Variants in EXTL3 observed in about 807,000 individuals in gnomAD.
EXTL3 encodes exostosin-like 3.
Under a neutral mutation model 69.3 loss-of-function variants are expected in EXTL3, and 27 were observed. That is an observed-to-expected ratio of 0.39 (90% CI 0.29 to 0.54). The LOEUF (loss-of-function observed/expected upper bound fraction) is 0.54. Among genes scored for constraint, EXTL3 ranks in the 20% least tolerant of loss-of-function variants. EXTL3 has a pLI of 0.69. For synonymous variants in EXTL3, 511 were observed against 499.4 expected (o/e 1.02, Z -0.31); for missense variants, 1,003 against 1,231.8 (o/e 0.81, Z 2.78).
intron 1 of EXTL3, among the ~76,000 whole-genome samples, chr8:28,653,544 A>T: frequency 6.6e-6 from 1 of 152,096 alleles, no homozygotes; most frequent in East Asian, 1.9e-4. Context: ...TAGTTTTTAT[A>T]TATGGTATAG....
intron 1 of EXTL3, among the ~76,000 whole-genome samples, chr8:28,692,674 T>C (rs533611219): frequency 2.0e-5 from 3 of 152,376 alleles, no homozygotes; most frequent in East Asian, 1.9e-4. Flanking sequence ...AAGAATCTAA[T>C]TGATGTTCTT....
intron 1 of EXTL3, among the ~76,000 whole-genome samples, chr8:28,673,250 T>A (rs1807327402): frequency 6.6e-6 from 1 of 152,186 alleles, no homozygotes; most frequent in Non-Finnish European, 1.5e-5. Flanking sequence ...GCCCATGAAA[T>A]GGTTAATTTT....
chr8:28,661,957 A>G (rs12680533), intron 1 of EXTL3, among the ~76,000 whole-genome samples: 16,250 of 150,894 alleles, frequency 0.11, 1,048 homozygotes, highest in East Asian at 0.25. Flanking sequence ...TACATAAACA[A>G]TATTAAATAT....
chr8:28,678,829 T>G (rs1401067254), intron 1 of EXTL3, among the ~76,000 whole-genome samples: 1 of 152,176 alleles, frequency 6.6e-6, no homozygotes, highest in African/African-American at 2.4e-5. Flanking sequence ...AACTGTTTGG[T>G]GTCTTAGCCC....
At chr8:28,741,697 A>G (rs1437077685) in intron 5 of EXTL3, 1 of 151,966 alleles carries the variant, frequency 6.6e-6, no homozygotes, top group African/African-American at 2.4e-5. Flanking sequence ...CAAGCATTTC[A>G]CCGACCTTGG....
intron 1 of EXTL3, among the ~76,000 whole-genome samples, chr8:28,654,829 C>G (rs576367458): frequency 6.6e-6 from 1 of 152,268 alleles, no homozygotes; most frequent in East Asian, 1.9e-4. Flanking sequence ...CATTCTAACC[C>G]TCTTCCAAGA....
Position 28,716,597 on chromosome 8 carries a change from C to T in EXTL3, c.538C>T (p.His180Tyr), listed in dbSNP as rs773224897. The T allele has an allele frequency of 7.4e-6, 12 of 1,614,102 alleles. No homozygotes were observed. The highest frequency in any genetic ancestry group is 2.2e-5 in the East Asian group (1 of 44,886). Reference sequence around the variant, plus strand: ...GAAGGCCACTCGGGGCTGCCGGCTACACAACTGCTTTGATTATTCTCGTTG... The same window carrying T: ...GAAGGCCACTCGGGGCTGCCGGCTATACAACTGCTTTGATTATTCTCGTTG... The part of the protein sequence containing the change: ...PPKATRGCRL[H>Y]NCFDYSRCPL... The change falls in exon 3 of 7, where the codon CAC (histidine) becomes TAC (tyrosine). Residue 180 changes from histidine (H) to tyrosine (Y), a missense_variant. Transcript: ENST00000220562. The surrounding 1 kb of genome is among the most constrained non-coding windows in gnomAD (Gnocchi z 7.1).
intron 3 of EXTL3, among the ~76,000 whole-genome samples, chr8:28,725,252 T>C (rs1359929844): frequency 6.6e-6 from 1 of 152,188 alleles, no homozygotes; most frequent in African/African-American, 2.4e-5. Flanking sequence ...CCACGATTGC[T>C]GTCCCTTTTC....
At chr8:28,692,562 T>A (rs1382708980) in intron 1 of EXTL3, among the ~76,000 whole-genome samples, 3 of 152,184 alleles carry the variant, frequency 2.0e-5, no homozygotes, top group African/African-American at 4.8e-5. Context: ...ATACATAAAG[T>A]CCAAATGTTA....
At chr8:28,721,567 G>T (rs772048285) in intron 3 of EXTL3, among the ~76,000 whole-genome samples, 28 of 152,118 alleles carry the variant, frequency 1.8e-4, no homozygotes, top group Non-Finnish European at 3.5e-4. Flanking sequence ...TCCATAATTG[G>T]TTGTCTTTTG....
At chr8:28,698,677 C>T (rs147268303), upstream of EXTL3, among the ~76,000 whole-genome samples, 204 of 151,976 alleles carry the variant, frequency 1.3e-3, 1 homozygote, top group Admixed American at 6.5e-3. Context: ...GTTGAAACCC[C>T]GTCTCTACAA....
At chr8:28,746,976 A>T (rs935468674) in intron 6 of EXTL3, among the ~76,000 whole-genome samples, 1 of 149,360 alleles carries the variant, frequency 6.7e-6, no homozygotes, top group Admixed American at 6.7e-5. Context: ...ACCCAGCTTA[A>T]ATGTTTTTTT....
rs1340281020 is a variant in EXTL3 at position 28,670,632 on chromosome 8, A to G, written c.-52-42825A>G. On this transcript the variant is annotated intron_variant, in intron 1 of 6. Transcript: ENST00000523149. ...TAAAGGCAGGAAACAGCTGATGTCA[A>G]CTGTGATGCTCAACAGTGAGGCAGG... Among the ~76,000 whole-genome samples the G allele has an allele frequency of 2.0e-5, 3 of 152,234 alleles. No individual in the cohort carries two copies. The East Asian group carries it at 5.8e-4, about 29-fold the overall frequency.
Position 28,661,767 on chromosome 8 carries a change from C to A in EXTL3, c.-53+38957C>A, listed in dbSNP as rs377562528. 1.4e-4 allele frequency among the ~76,000 whole-genome samples: 21 copies of A among 151,872 alleles called. 2 individuals are homozygous for A. Among genetic ancestry groups the A allele is most frequent in the Admixed American group, 1.1e-3 (17 of 15,232 alleles). ...GGTTGTGGTGGCAGGCACCTGTACT[C>A]CCAGCTACTCAGGAGGCTAAGGCAG... On this transcript the variant is annotated intron_variant, in intron 1 of 6. Transcript: ENST00000523149.
chr8:28,642,171 A>G (rs1026218374), intron 1 of EXTL3, among the ~76,000 whole-genome samples: 8 of 151,896 alleles, frequency 5.3e-5, no homozygotes, highest in Non-Finnish European at 7.4e-5. Flanking sequence ...GGCCAGGCAC[A>G]GTGGTTCATG....
chr8:28,738,966 C>T (rs1214826899), intron 5 of EXTL3, among the ~76,000 whole-genome samples: 2 of 152,184 alleles, frequency 1.3e-5, no homozygotes, highest in Non-Finnish European at 2.9e-5. Flanking sequence ...AAGACCCTCC[C>T]ACCACTCTCT....
chr8:28,718,591 C>T (rs1801220152), intron 3 of EXTL3, among the ~76,000 whole-genome samples: 1 of 152,200 alleles, frequency 6.6e-6, no homozygotes, highest in African/African-American at 2.4e-5. Flanking sequence ...CATATTATCG[C>T]TGTTTCTTCA....
chr8:28,619,080 A>G (rs1806367584), upstream of EXTL3, among the ~76,000 whole-genome samples: 1 of 112,166 alleles, frequency 8.9e-6, no homozygotes, highest in Non-Finnish European at 1.7e-5. Flanking sequence ...ACACAGCGTG[A>G]GACTCCGTCT....
chr8:28,634,145 G>A (rs1806616166), intron 1 of EXTL3, among the ~76,000 whole-genome samples: 1 of 152,158 alleles, frequency 6.6e-6, no homozygotes, highest in South Asian at 2.1e-4. Flanking sequence ...GGATCTCTGA[G>A]CTTTTTGTTT....
Sources: gnomAD v4.1 joint callset for allele counts (sites outside exome capture counted in the v4.1 genomes callset) on GRCh38, gnomAD v4.1.1 for gene constraint, Gnocchi (gnomAD v3.1) non-coding constraint, MANE v1.5 for transcripts, NCBI Gene and HGNC (gene_info 2026-07-23, HGNC 2026-07-21) for gene names.